The following CUX2 variants were observed in gnomAD, a reference collection of about 807,000 sequenced individuals.
The protein encoded by CUX2 is homeobox protein cut-like 2.
Under a neutral mutation model 144.8 loss-of-function variants are expected in CUX2, and 40 were observed. That is an observed-to-expected ratio of 0.28 (90% CI 0.21 to 0.36). The LOEUF is 0.36. CUX2 is among the 10% of genes least tolerant of loss of function. CUX2 has a pLI of 1.00. For synonymous variants in CUX2, 827 were observed against 875.6 expected (o/e 0.94, Z 0.98); for missense variants, 1,615 against 1,994.0 (o/e 0.81, Z 3.62).
At chr12:111,099,477 G>A (rs1185357260) in intron 1 of CUX2, 1 of 451,222 alleles carries the variant, frequency 2.2e-6, no homozygotes, top group East Asian at 7.0e-5. Flanking sequence ...ACTGCTGGGA[G>A]GTATGAGGTG....
Position 111,322,397 on chromosome 12 carries a change from A to G in CUX2, c.2767-24A>G. ...CCATGTCCCAGGGGCCTGCTGACCT[A>G]CCCCCCTGGCCCGCCCCTCGCAGGT... On this transcript the variant is annotated intron_variant, in intron 17 of 21. Coordinates refer to ENST00000261726, the MANE Select transcript of CUX2 (RefSeq NM_015267.4). The surrounding 1 kb of genome is among the most constrained non-coding windows in gnomAD (Gnocchi z 4.2). The G allele has an allele frequency of 6.5e-7, 1 of 1,532,378 alleles. No individual in the cohort carries two copies. Among genetic ancestry groups the G allele is most frequent in the Non-Finnish European group, 8.8e-7 (1 of 1,138,576 alleles). The allele number at this position is 1,532,378 out of a possible 1,614,324, so 94.9% of individuals were successfully genotyped here.
At chr12:111,053,892 C>T (rs1325523004) in intron 1 of CUX2, among the ~76,000 whole-genome samples, 1 of 152,208 alleles carries the variant, frequency 6.6e-6, no homozygotes, top group Admixed American at 6.5e-5. Flanking sequence ...CAGTGGCTCA[C>T]GCCTGTAATC....
In CUX2 at chr12:111,312,427, G is replaced by A. The variant is rs1054926887; in HGVS notation, c.2002+226G>A. 6.6e-6 allele frequency among the ~76,000 whole-genome samples: 1 copy of A among 152,128 alleles called. No homozygotes were observed. The highest frequency in any genetic ancestry group is 6.5e-5 in the Admixed American group (1 of 15,268). ...ATAAAATCTCAACCCTTGGCCAGGC[G>A]CAGTGGCTCATGCCTGTAATCCCAG... On this transcript the variant is annotated intron_variant, in intron 16 of 21. Coordinates refer to ENST00000261726, the MANE Select transcript of CUX2 (RefSeq NM_015267.4). The surrounding 1 kb of genome is among the most constrained non-coding windows in gnomAD (Gnocchi z 4.3).
rs1881403343 is a variant in CUX2, at chr12:111,214,230, T to C, written c.94T>C (p.Ser32Pro). 1.2e-6 allele frequency: 2 copies of C among 1,605,408 alleles called. No homozygotes were observed. The highest frequency in any genetic ancestry group is 2.7e-5 in the African/African-American group (2 of 74,100). Residue 32 changes from serine (S) to proline (P), a missense_variant, in exon 2 of 22, where the codon TCT (serine) becomes CCT (proline). Coordinates refer to ENST00000261726, the MANE Select transcript of CUX2 (RefSeq NM_015267.4). Reference sequence around the variant, plus strand: ...GCTTAATTCCGTCGCTTCTGAGCTGTCTGCACGGCAGGAGGAGAGTGAACA... The same window carrying C: ...GCTTAATTCCGTCGCTTCTGAGCTGCCTGCACGGCAGGAGGAGAGTGAACA... ...KELNSVASELSARQEESEHSH... is the reference protein window; with the variant it reads ...KELNSVASELPARQEESEHSH...
chr12:111,342,382 G>A (rs191650704), intron 21 of CUX2, among the ~76,000 whole-genome samples: 8 of 152,176 alleles, frequency 5.3e-5, no homozygotes, highest in Admixed American at 4.6e-4. Flanking sequence ...TTGGGAGGCC[G>A]AAGTGAGAGG....
At chr12:111,325,352 A>G (rs889603630) in intron 18 of CUX2, among the ~76,000 whole-genome samples, 1 of 152,110 alleles carries the variant, frequency 6.6e-6, no homozygotes, top group African/African-American at 2.4e-5. Context: ...CTTACCACAC[A>G]TAGCACCAAG....
chr12:111,177,343 G>A (rs75858823), intron 1 of CUX2, among the ~76,000 whole-genome samples: 2,040 of 152,084 alleles, frequency 0.013, 40 homozygotes, highest in African/African-American at 0.045. Flanking sequence ...AGGTACCACC[G>A]GGACCAAGGG....
At chr12:111,183,006 A>G (rs1879286107) in intron 1 of CUX2, among the ~76,000 whole-genome samples, 2 of 152,146 alleles carry the variant, frequency 1.3e-5, no homozygotes, top group South Asian at 4.1e-4. Flanking sequence ...CTGCCCGGGT[A>G]CCTTGGGAGG....
chr12:111,093,939 C>T (rs1174542696), intron 1 of CUX2, among the ~76,000 whole-genome samples: 5 of 152,140 alleles, frequency 3.3e-5, no homozygotes, highest in Non-Finnish European at 5.9e-5. Context: ...GACTGTGATC[C>T]GCAGGAGCCA....
At chr12:111,318,599 T>A (rs7973950) in intron 16 of CUX2, among the ~76,000 whole-genome samples, 68,567 of 147,250 alleles carry the variant, frequency 0.47, 19,597 homozygotes, top group East Asian at 0.82. Context: ...TCTCTTTTTT[T>A]AAAAAAAAAA....
intron 1 of CUX2, among the ~76,000 whole-genome samples, chr12:111,055,454 A>T (rs79184971): frequency 6.6e-6 from 1 of 152,220 alleles, no homozygotes; most frequent in Non-Finnish European, 1.5e-5. Flanking sequence ...CAGCCTCTGC[A>T]AGCAAGGGGG....
At chr12:111,166,563 G>T (rs1878156285) in intron 1 of CUX2, among the ~76,000 whole-genome samples, 1 of 152,236 alleles carries the variant, frequency 6.6e-6, no homozygotes, top group Non-Finnish European at 1.5e-5. Flanking sequence ...CCCATGTTGT[G>T]AACACAGCCC....
Position 111,296,486 on chromosome 12 carries a change from G to A in CUX2, c.651G>A (p.Thr217=), listed in dbSNP as rs116003760. The change falls in exon 8 of 22, where the codon ACG becomes ACA. Residue 217 remains threonine, a synonymous_variant. Coordinates refer to ENST00000261726, the MANE Select transcript of CUX2 (RefSeq NM_015267.4). ...GCTTTCTCCCAGCGCTAAAGGCTACGCAGGCAGAGCTGCTAGAGCTGCGGC... is the reference window on the plus strand; with the variant it reads ...GCTTTCTCCCAGCGCTAAAGGCTACACAGGCAGAGCTGCTAGAGCTGCGGC... ...IKVLHSALKA[T]QAELLELRRK... is the part of the protein sequence containing the mutation. 458 of 1,609,718 alleles carry A rather than the reference G, an allele frequency of 2.8e-4. 3 individuals carry two copies. In the African/African-American group the frequency reaches 5.5e-3, roughly 19 times the overall value.
rs1246182351 is a variant in CUX2 at position 111,310,128 on chromosome 12, C to G, written c.1346C>G (p.Pro449Arg). 3.3e-6 allele frequency: 5 copies of G among 1,509,002 alleles called. No individual in the cohort carries two copies. In the East Asian group the frequency reaches 1.2e-4, roughly 36 times the overall value. The allele number at this position is 1,509,002 out of a possible 1,614,324, so 93.5% of individuals were successfully genotyped here. The change falls in exon 15 of 22, where the codon CCA becomes CGA. Residue 449 changes from proline to arginine, a missense_variant. Transcript: ENST00000261726. The surrounding 1 kb of genome is among the most constrained non-coding windows in gnomAD (Gnocchi z 7.9). ...TCCCCTCAGCAGCTCCCACCTCCAC[C>G]AGGGCCAGAAGACCCCCTGTCTCCC... is the stretch of plus-strand genomic sequence containing the variant. Reference protein sequence around the residue: ...YPSPQQLPPPPGPEDPLSPSP... With the variant: ...YPSPQQLPPPRGPEDPLSPSP...
intron 1 of CUX2, among the ~76,000 whole-genome samples, chr12:111,201,577 G>T (rs944034581): frequency 4.6e-5 from 7 of 152,088 alleles, no homozygotes; most frequent in African/African-American, 1.7e-4. Flanking sequence ...TATTTGTGTG[G>T]CAGTCCTCCC....
chr12:111,341,679 G>T, intron 20 of CUX2, 101 bp from the exon 21 acceptor site: 4 of 1,381,394 alleles, frequency 2.9e-6, no homozygotes, highest in Non-Finnish European at 3.9e-6. Flanking sequence ...TGGCCTCCGA[G>T]TGGGCCTGAC....
chr12:111,106,231 A>C (rs1873598299), intron 1 of CUX2, among the ~76,000 whole-genome samples: 1 of 152,094 alleles, frequency 6.6e-6, no homozygotes. Context: ...GACTTAAACA[A>C]TCCATCCACC....
intron 1 of CUX2, among the ~76,000 whole-genome samples, chr12:111,094,339 C>T (rs1232804345): frequency 1.3e-5 from 2 of 152,134 alleles, no homozygotes; most frequent in Non-Finnish European, 2.9e-5. Flanking sequence ...GAGAAGTGGA[C>T]GGGGACCGGG....
intron 3 of CUX2, among the ~76,000 whole-genome samples, chr12:111,250,124 G>A (rs1039542090): frequency 1.3e-5 from 2 of 152,124 alleles, no homozygotes; most frequent in African/African-American, 2.4e-5. Flanking sequence ...AAGAGCTCCT[G>A]GTGGGAGCCC....
Sources: gnomAD v4.1 joint callset for allele counts (sites outside exome capture counted in the v4.1 genomes callset) on GRCh38, gnomAD v4.1.1 for gene constraint, Gnocchi (gnomAD v3.1) non-coding constraint, MANE v1.5 for transcripts, NCBI Gene and HGNC (gene_info 2026-07-23, HGNC 2026-07-21) for gene names.